CFAP58: variants seen among roughly 807,000 people sequenced by gnomAD.
CFAP58 encodes cilia- and flagella-associated protein 58.
A neutral mutation model predicts 119.5 loss-of-function variants in CFAP58; 88 were observed. The ratio of observed to expected loss-of-function variants is 0.74; its 90% CI spans 0.62 to 0.88. The LOEUF (loss-of-function observed/expected upper bound fraction) is 0.88. CFAP58 is among the 40% of genes least tolerant of loss of function. CFAP58 has a pLI of 0.00. For synonymous variants in CFAP58, 365 were observed against 366.3 expected, an observed-to-expected ratio of 1.00 and a Z score of 0.04; for missense variants, 990 against 1,021.2, an observed-to-expected ratio of 0.97 and a Z score of 0.42.
intron 9 of CFAP58, among the ~76,000 whole-genome samples, chr10:104,387,791 T>C (rs567961608): frequency 1.3e-5 from 2 of 152,330 alleles, no homozygotes; most frequent in East Asian, 3.9e-4. Flanking sequence ...TCTCCCTCTT[T>C]TTTCATTTCA....
At chr10:104,422,478 T>G (rs2012676983) in intron 15 of CFAP58, among the ~76,000 whole-genome samples, 1 of 152,184 alleles carries the variant, frequency 6.6e-6, no homozygotes, top group South Asian at 2.1e-4. Flanking sequence ...TATTAGGTGT[T>G]GATTCTGTCA....
intron 15 of CFAP58, among the ~76,000 whole-genome samples, chr10:104,429,544 A>T (rs2012808309): frequency 6.6e-6 from 1 of 152,216 alleles, no homozygotes; most frequent in Admixed American, 6.5e-5. Context: ...CTTGTTAAGG[A>T]TCCGTTAGTA....
intron 8 of CFAP58, among the ~76,000 whole-genome samples, chr10:104,378,426 A>G (rs544359810): frequency 6.6e-6 from 1 of 152,310 alleles, no homozygotes; most frequent in East Asian, 1.9e-4. Context: ...TTACCTGAGT[A>G]TTGTCCAGCA....
intron 16 of CFAP58, 26 bp downstream of exon 16, chr10:104,447,843 G>A (rs767840578): frequency 4.2e-5 from 66 of 1,578,310 alleles, no homozygotes; most frequent in African/African-American, 3.8e-4. Context: ...TGTTCCTTCC[G>A]GGTTCCAGGG....
chr10:104,418,657 A>G (rs543903372), intron 15 of CFAP58, among the ~76,000 whole-genome samples: 2 of 152,212 alleles, frequency 1.3e-5, no homozygotes, highest in Non-Finnish European at 2.9e-5. Context: ...TTCCATTACC[A>G]TGACTTCTTT....
intron 12 of CFAP58, 102 bp downstream of exon 12, chr10:104,399,602 C>A: frequency 8.1e-7 from 1 of 1,237,858 alleles, no homozygotes; most frequent in Non-Finnish European, 1.1e-6. Context: ...TCCAACCAGC[C>A]CTATTGGAAG....
At chr10:104,396,685 G>A (rs551713616) in intron 11 of CFAP58, among the ~76,000 whole-genome samples, 1 of 152,298 alleles carries the variant, frequency 6.6e-6, no homozygotes, top group South Asian at 2.1e-4. Flanking sequence ...AATTGTGGAA[G>A]CAGTGAGTAA....
chr10:104,363,648 G>C (rs1048968797), intron 3 of CFAP58, among the ~76,000 whole-genome samples: 4 of 152,226 alleles, frequency 2.6e-5, no homozygotes, highest in African/African-American at 9.6e-5. Flanking sequence ...ATCTTTAACA[G>C]TGTGCCCAGG....
intron 15 of CFAP58, among the ~76,000 whole-genome samples, chr10:104,419,243 C>T (rs1312695772): frequency 2.6e-5 from 4 of 152,144 alleles, no homozygotes; most frequent in South Asian, 2.1e-4. Context: ...TAGCTGTCTG[C>T]GGGGCACCAT....
At chr10:104,368,280 C>G (rs551057117) in intron 5 of CFAP58, 143 bp from the exon 6 acceptor site, 1 of 681,572 alleles carries the variant, frequency 1.5e-6, no homozygotes, top group Non-Finnish European at 2.4e-6. Context: ...GTGCTTTCAT[C>G]GGGAATAAAG....
chr10:104,420,683 A>G (rs897376524), intron 15 of CFAP58, among the ~76,000 whole-genome samples: 2 of 151,814 alleles, frequency 1.3e-5, no homozygotes. Flanking sequence ...CAAAAGGGGT[A>G]TCTTGATTGA....
chr10:104,396,441 A>G (rs1023217712), intron 11 of CFAP58, among the ~76,000 whole-genome samples: 1 of 102,040 alleles, frequency 9.8e-6, no homozygotes, highest in Admixed American at 1.0e-4. Context: ...AGAGAGAGAA[A>G]GAGAGAGAGA....
chr10:104,386,674 T>C (rs2011932327), intron 9 of CFAP58, among the ~76,000 whole-genome samples: 1 of 152,190 alleles, frequency 6.6e-6, no homozygotes, highest in Admixed American at 6.5e-5. Flanking sequence ...CAATTTTGAG[T>C]TCTTCATATT....
intron 3 of CFAP58, among the ~76,000 whole-genome samples, chr10:104,363,889 A>C (rs531048971): frequency 4.4e-4 from 67 of 152,364 alleles, no homozygotes; most frequent in African/African-American, 1.5e-3. Context: ...GCCTTGCTCT[A>C]CATTCATTCT....
rs367904228 is a variant in CFAP58, at chr10:104,447,738, C to A, written c.2297C>A (p.Ala766Asp). Residue 766 changes from alanine (A) to aspartate (D), a missense_variant, in exon 16 of 18, where the codon GCC (alanine) becomes GAC (aspartate). Physicochemically the swap from Ala to Asp is moderately radical, Grantham distance 126. Coordinates refer to ENST00000369704, the MANE Select transcript of CFAP58 (RefSeq NM_001008723.2). ...KLYMELKHVL[A>D]RQPGPEAAEQ... The stretch of plus-strand genomic sequence containing the variant: ...TACATGGAACTAAAGCACGTCTTGG[C>A]CCGCCAGCCTGGACCTGAGGCTGCG... 5.0e-6 allele frequency: 8 copies of A among 1,614,024 alleles called. No individual in the cohort carries two copies. In the African/African-American group the frequency reaches 8.0e-5, roughly 16 times the overall value.
rs1258637160 is a variant in CFAP58 at position 104,358,352 on chromosome 10, A to G, written c.21A>G (p.Gly7=). Residue 7 remains glycine, a synonymous_variant, in exon 2 of 18, where the codon GGA becomes GGG. Transcript: ENST00000369704. The stretch of plus-strand genomic sequence containing the variant: ...CTTTTTTTCTATAGGAAAAGGGTGG[A>G]AAGCAAGTCCTGGAAGAATCTGCAT... MAEEKG[G]KQVLEESAFE... 1 of 1,610,504 alleles carries G rather than the reference A, an allele frequency of 6.2e-7. No homozygotes were observed. Among genetic ancestry groups the G allele is most frequent in the African/African-American group, 1.3e-5 (1 of 74,830 alleles).
At chr10:104,419,033 A>C (rs912810734) in intron 15 of CFAP58, among the ~76,000 whole-genome samples, 4 of 152,196 alleles carry the variant, frequency 2.6e-5, no homozygotes, top group Non-Finnish European at 4.4e-5. Context: ...AAGGACATTT[A>C]AAGTGCTGGG....
chr10:104,341,083 A>G, the CFAP58 span, among the ~76,000 whole-genome samples: 2 of 152,190 alleles, frequency 1.3e-5, no homozygotes, highest in African/African-American at 4.8e-5. Context: ...TCAAGAAAAA[A>G]CACAAAAAAC....
chr10:104,399,561 C>T (rs2012225987), intron 12 of CFAP58, 61 bp downstream of exon 12: 2 of 1,546,060 alleles, frequency 1.3e-6, no homozygotes, highest in Non-Finnish European at 1.8e-6. Flanking sequence ...TTTAATTCCA[C>T]CCTTCGAAAC....
Sources: gnomAD v4.1 joint callset for allele counts (sites outside exome capture counted in the v4.1 genomes callset) on GRCh38, gnomAD v4.1.1 for gene constraint, MANE v1.5 for transcripts, NCBI Gene and HGNC (gene_info 2026-07-23, HGNC 2026-07-21) for gene names.